PTRH1: variants seen among roughly 807,000 people sequenced by gnomAD.
PTRH1 encodes peptidyl-tRNA hydrolase 1 homolog, also known as peptidyl-tRNA hydrolase.
In PTRH1, 13 loss-of-function variants were observed where a neutral mutation model predicts 15.7. The observed-to-expected ratio is 0.83, with a 90% CI of 0.54 to 1.31. PTRH1 has a LOEUF of 1.31. PTRH1 is among the 40% of genes most tolerant of loss of function. PTRH1 has a pLI of 0.00. For synonymous variants in PTRH1, 139 were observed against 136.7 expected (o/e 1.02, Z -0.12); for missense variants, 319 against 296.2 (o/e 1.08, Z -0.56).
chr9:127,712,867 C>T, downstream of PTRH1: 1 of 1,610,756 alleles, frequency 6.2e-7, no homozygotes, highest in South Asian at 1.1e-5. Flanking sequence ...ATGGCCCACC[C>T]AAGGAGAGGT....
chr9:127,710,755 G>A, downstream of PTRH1: 5 of 1,562,042 alleles, frequency 3.2e-6, no homozygotes, highest in Non-Finnish European at 4.3e-6. Flanking sequence ...ACAAGGACAG[G>A]TGGGCAAGCG....
downstream of PTRH1, among the ~76,000 whole-genome samples, chr9:127,710,982 G>T (rs1253255416): frequency 1.3e-5 from 2 of 152,164 alleles, no homozygotes; most frequent in Admixed American, 6.6e-5. Flanking sequence ...GACTCCCAGG[G>T]CTTCCTTTTG....
chr9:127,715,584 C>G lies in PTRH1; in HGVS notation c.56G>C (p.Arg19Pro). Residue 19 changes from arginine (R) to proline (P), a missense_variant, in exon 1 of 5, where the codon CGA becomes CCA. Transcript: ENST00000543175. The surrounding 1 kb of genome is among the most constrained non-coding windows in gnomAD (Gnocchi z 5.8). ...CGGGGGGCGAGGCTCCAAAACACAT[C>G]GGCTCATGGCTCTACTCAGCCGCTG... ...AGQRLSRAMS[R>P]CVLEPRPPGK... The G allele has an allele frequency of 6.2e-7, 1 of 1,613,468 alleles. No individual in the cohort carries two copies. Among genetic ancestry groups the G allele is most frequent in the Non-Finnish European group, 8.5e-7 (1 of 1,180,036 alleles).
At chr9:127,712,019 C>T (rs1250957061), downstream of PTRH1, 35 of 1,543,886 alleles carry the variant, frequency 2.3e-5, no homozygotes, top group Admixed American at 6.0e-5. Context: ...CAGCTCTTTC[C>T]GATCCCACGA....
At chr9:127,698,212 C>G (rs961574198) in intron 1 of PTRH1, among the ~76,000 whole-genome samples, 7 of 152,116 alleles carry the variant, frequency 4.6e-5, no homozygotes, top group Non-Finnish European at 1.0e-4. Flanking sequence ...CAAAGCAACA[C>G]AGCAAGACCC....
chr9:127,710,269 G>C (rs59781486), downstream of PTRH1, among the ~76,000 whole-genome samples: 2,341 of 141,564 alleles, frequency 0.017, 74 homozygotes, highest in African/African-American at 0.057. Context: ...AGTGACAGAG[G>C]AAGACCCTGT....
At chr9:127,712,001 C>A, downstream of PTRH1, 2 of 1,567,306 alleles carry the variant, frequency 1.3e-6, no homozygotes, top group South Asian at 1.2e-5. Flanking sequence ...TGGGGCCAAG[C>A]TCTGGCCCAG....
In PTRH1 at chr9:127,705,935, AG is replaced by A. The variant is rs953272356; in HGVS notation, c.205+9499del. On this transcript the variant is annotated intron_variant, in intron 1 of 2. Coordinates refer to the PTRH1 transcript ENST00000335223. This position sits in a 1 kb window ranked among gnomAD's most constrained non-coding sequence, Gnocchi z 4.7. ...CCTGCAGGGAACAGGCACCCTGGGA[AG>A]GGCAGACCACCACAGGCGAGGTCCA... is the stretch of plus-strand genomic sequence containing the variant. 4.6e-4 allele frequency among the ~76,000 whole-genome samples: 70 copies of A among 152,188 alleles called. No homozygotes were observed. The highest frequency in any genetic ancestry group is 2.2e-3 in the Admixed American group (33 of 15,288).
downstream of PTRH1, among the ~76,000 whole-genome samples, chr9:127,709,900 A>C (rs73600042): frequency 0.015 from 2,211 of 152,324 alleles, 67 homozygotes; most frequent in African/African-American, 0.05. This position sits in a 1 kb window ranked among gnomAD's most constrained non-coding sequence, Gnocchi z 4.7. Context: ...AAGTGTCGTG[A>C]CCAAGGTCCC....
chr9:127,710,332 T>G (rs552477025), downstream of PTRH1, among the ~76,000 whole-genome samples: 1 of 149,832 alleles, frequency 6.7e-6, no homozygotes, highest in East Asian at 2.0e-4. Context: ...GTCGCTTTCA[T>G]GAGAGTATCA....
intron 1 of PTRH1, among the ~76,000 whole-genome samples, chr9:127,708,617 A>C (rs771189798): frequency 1.3e-5 from 2 of 151,352 alleles, no homozygotes; most frequent in East Asian, 2.2e-4. Flanking sequence ...TTGAGCTGAG[A>C]TATCAGGTAG....
intron 1 of PTRH1, among the ~76,000 whole-genome samples, chr9:127,701,819 CAGG>C (rs905923585): frequency 2.0e-5 from 3 of 151,618 alleles, no homozygotes; most frequent in African/African-American, 7.3e-5. Context: ...GAGGCTGCAG[CAGG>C]AGAATTGCTT....
intron 1 of PTRH1, among the ~76,000 whole-genome samples, chr9:127,702,245 C>T (rs1016915537): frequency 4.7e-5 from 7 of 150,514 alleles, no homozygotes; most frequent in Non-Finnish European, 7.4e-5. Context: ...TGGTGATGGG[C>T]GCCTGTAGTC....
At chr9:127,706,763 C>T (rs550362755) in intron 1 of PTRH1, among the ~76,000 whole-genome samples, 3 of 152,324 alleles carry the variant, frequency 2.0e-5, no homozygotes, top group South Asian at 2.1e-4. Context: ...CTTATTTCCA[C>T]GTGGGAGAAA....
At chr9:127,713,123 C>T, downstream of PTRH1, 1 of 1,612,532 alleles carries the variant, frequency 6.2e-7, no homozygotes, top group Non-Finnish European at 8.5e-7. Context: ...TCGCCAGGTC[C>T]ACATCCCACC....
intron 2 of PTRH1, among the ~76,000 whole-genome samples, chr9:127,694,441 C>G (rs907146160): frequency 6.6e-6 from 1 of 152,066 alleles, no homozygotes; most frequent in African/African-American, 2.4e-5. Flanking sequence ...GTCTTCTGTC[C>G]CAGCTTCCTG....
chr9:127,698,746 TATAG>T (rs1420299443), intron 1 of PTRH1, among the ~76,000 whole-genome samples: 4 of 152,134 alleles, frequency 2.6e-5, no homozygotes, highest in Non-Finnish European at 1.5e-5. Context: ...TCCCTGTGGA[TATAG>T]AATCCCTGGA....
chr9:127,695,359 A>G (rs1842550406), intron 1 of PTRH1: 1 of 523,244 alleles, frequency 1.9e-6, no homozygotes, highest in East Asian at 3.1e-5. Context: ...GTGCATTTAT[A>G]TAAAGCTTCA....
intron 1 of PTRH1, among the ~76,000 whole-genome samples, chr9:127,701,188 C>G (rs1433974719): frequency 6.6e-6 from 1 of 152,164 alleles, no homozygotes; most frequent in Non-Finnish European, 1.5e-5. Flanking sequence ...GCTGGAGGCA[C>G]GCTTCCTAGC....
Sources: allele counts gnomAD v4.1 joint callset (sites outside exome capture counted in the v4.1 genomes callset), GRCh38; gene constraint gnomAD v4.1.1; non-coding constraint Gnocchi (gnomAD v3.1); transcripts MANE v1.5; gene names NCBI Gene and HGNC (gene_info 2026-07-23, HGNC 2026-07-21).